The following GRM1 variants were observed in gnomAD, a reference collection of about 807,000 sequenced individuals.
The protein encoded by GRM1 is glutamate metabotropic receptor 1.
A neutral mutation model predicts 90.9 loss-of-function variants in GRM1; 33 were observed. The observed-to-expected ratio is 0.36, with a 90% CI of 0.28 to 0.49. GRM1 has a LOEUF of 0.49. Ranked by LOEUF, GRM1 falls within the 20% of genes least tolerant of loss-of-function variation. The pLI, the probability that GRM1 is intolerant of heterozygous loss-of-function variation, is 0.99. For synonymous variants in GRM1, 700 were observed against 613.2 expected (o/e 1.14, Z -2.09); for missense variants, 1,190 against 1,534.3 (o/e 0.78, Z 3.75).
chr6:146,067,199 T>A (rs904852727), intron 1 of GRM1, among the ~76,000 whole-genome samples: 1 of 152,204 alleles, frequency 6.6e-6, no homozygotes, highest in African/African-American at 2.4e-5. Flanking sequence ...GCAAAATAAC[T>A]AAATTTGCTC....
chr6:146,314,960 C>T (rs1783916047), intron 3 of GRM1, among the ~76,000 whole-genome samples: 1 of 152,116 alleles, frequency 6.6e-6, no homozygotes, highest in Non-Finnish European at 1.5e-5. Context: ...TAGCCTCTTA[C>T]CCAAAGTTAA....
intron 1 of GRM1, among the ~76,000 whole-genome samples, chr6:146,079,812 A>C (rs1429791733): frequency 6.6e-6 from 1 of 152,224 alleles, no homozygotes; most frequent in Non-Finnish European, 1.5e-5. Context: ...GGCGTTGTAG[A>C]GGAACTATCA....
chr6:146,255,726 A>C (rs1319280769), intron 2 of GRM1, among the ~76,000 whole-genome samples: 1 of 152,110 alleles, frequency 6.6e-6, no homozygotes, highest in African/African-American at 2.4e-5. Flanking sequence ...CTAACAAACT[A>C]TCTGAACACG....
At chr6:146,231,689 G>A (rs2114704964) in intron 2 of GRM1, among the ~76,000 whole-genome samples, 1 of 152,042 alleles carries the variant, frequency 6.6e-6, no homozygotes, top group East Asian at 1.9e-4. Context: ...GTTTTCTTTT[G>A]TGTGTTGATA....
chr6:146,030,108 G>T lies in GRM1; in HGVS notation c.591G>T (p.Leu197Phe). Residue 197 changes from leucine (L) to phenylalanine (F), a missense_variant, in exon 1 of 8, where the codon TTG (leucine) becomes TTT (phenylalanine). Leu to Phe is a conservative substitution (Grantham distance 22, BLOSUM62 0). Coordinates refer to ENST00000282753, the MANE Select transcript of GRM1 (RefSeq NM_001278064.2). ...GCATCGACCTGAGTGACAAAACTTT[G>T]TACAAATACTTCCTGAGGGTTGTCC... Reference protein sequence around the residue: ...ATSIDLSDKTLYKYFLRVVPS... With the variant: ...ATSIDLSDKTFYKYFLRVVPS... 1 of 1,614,164 alleles carries T rather than the reference G, an allele frequency of 6.2e-7. No homozygotes were observed. The highest frequency in any genetic ancestry group is 1.3e-5 in the African/African-American group (1 of 75,050).
chr6:146,193,141 G>A (rs1778987653), intron 2 of GRM1, among the ~76,000 whole-genome samples: 1 of 152,118 alleles, frequency 6.6e-6, no homozygotes, highest in Non-Finnish European at 1.5e-5. Context: ...GATAAATTTT[G>A]AGTATATTAA....
intron 5 of GRM1, among the ~76,000 whole-genome samples, chr6:146,359,763 A>G (rs181263439): frequency 1.3e-5 from 2 of 152,198 alleles, no homozygotes; most frequent in Admixed American, 6.5e-5. Context: ...TTCTGCCATC[A>G]TGTTTGTGCT....
At chr6:146,232,426 A>C (rs1298709974) in intron 2 of GRM1, among the ~76,000 whole-genome samples, 2 of 152,040 alleles carry the variant, frequency 1.3e-5, no homozygotes, top group Non-Finnish European at 1.5e-5. Flanking sequence ...GCATATATTT[A>C]TATGGTACAT....
chr6:146,036,900 A>G (rs1250567625), intron 1 of GRM1, among the ~76,000 whole-genome samples: 1 of 151,958 alleles, frequency 6.6e-6, no homozygotes, highest in African/African-American at 2.4e-5. Flanking sequence ...AGTAACACAT[A>G]AAGTAATAAA....
chr6:146,052,677 G>A (rs1176708573), intron 1 of GRM1, among the ~76,000 whole-genome samples: 1 of 151,968 alleles, frequency 6.6e-6, no homozygotes, highest in African/African-American at 2.4e-5. Flanking sequence ...ACTTTCTTCA[G>A]CTATTTTTGT....
chr6:146,263,521 G>T (rs558372464), intron 2 of GRM1, among the ~76,000 whole-genome samples: 81 of 151,904 alleles, frequency 5.3e-4, no homozygotes, highest in African/African-American at 1.9e-3. Context: ...AAATAGCAGG[G>T]AAGTATTATT....
chr6:146,388,645 A>G (rs924106947), intron 6 of GRM1, among the ~76,000 whole-genome samples: 1 of 152,068 alleles, frequency 6.6e-6, no homozygotes, highest in African/African-American at 2.4e-5. Context: ...CATCTCACTC[A>G]TCTTTTTATT....
intron 2 of GRM1, among the ~76,000 whole-genome samples, chr6:146,281,781 T>G (rs1352068745): frequency 6.6e-6 from 1 of 152,242 alleles, no homozygotes; most frequent in South Asian, 2.1e-4. Context: ...TTCTTTCATC[T>G]ATTAATCTGT....
At chr6:146,096,374 T>C (rs187752851) in intron 1 of GRM1, among the ~76,000 whole-genome samples, 246 of 152,212 alleles carry the variant, frequency 1.6e-3, no homozygotes, top group African/African-American at 5.4e-3. Flanking sequence ...GGAGCCTAAG[T>C]AAGAGGAAGG....
chr6:146,418,177 GT>G (rs1777854640), intron 7 of GRM1, among the ~76,000 whole-genome samples: 1 of 152,038 alleles, frequency 6.6e-6, no homozygotes, highest in Non-Finnish European at 1.5e-5. Flanking sequence ...CATTTGGCGT[GT>G]CTCCTTAGTA....
chr6:146,416,362 T>C (rs1244370647), intron 7 of GRM1, among the ~76,000 whole-genome samples: 1 of 152,142 alleles, frequency 6.6e-6, no homozygotes, highest in Non-Finnish European at 1.5e-5. Context: ...AACTTTCTCC[T>C]GTATTAGTTT....
chr6:146,309,398 C>CAA (rs1395434347), intron 3 of GRM1, among the ~76,000 whole-genome samples: 4 of 114,454 alleles, frequency 3.5e-5, no homozygotes, highest in Admixed American at 8.9e-5. Flanking sequence ...GACTCTGTCT[C>CAA]AAAAAAAAAA....
intron 1 of GRM1, among the ~76,000 whole-genome samples, chr6:146,107,997 C>T (rs1217891918): frequency 6.6e-6 from 1 of 152,134 alleles, no homozygotes; most frequent in Non-Finnish European, 1.5e-5. Flanking sequence ...CTTTGGCTTT[C>T]AGAGAGATTT....
chr6:146,226,917 G>A (rs569430642), intron 2 of GRM1, among the ~76,000 whole-genome samples: 11 of 151,860 alleles, frequency 7.2e-5, no homozygotes, highest in South Asian at 2.1e-4. Flanking sequence ...TTGTACCATC[G>A]AGAGACAAAG....
Sources: gnomAD v4.1 joint callset for allele counts (sites outside exome capture counted in the v4.1 genomes callset) on GRCh38, gnomAD v4.1.1 for gene constraint, MANE v1.5 for transcripts, NCBI Gene and HGNC (gene_info 2026-07-23, HGNC 2026-07-21) for gene names.